HJV: variants seen among roughly 807,000 people sequenced by gnomAD.
The protein encoded by HJV is hemojuvelin.
Under a neutral mutation model 22.7 loss-of-function variants are expected in HJV, and 18 were observed. The observed-to-expected ratio is 0.79, with a 90% confidence interval of 0.55 to 1.18. The LOEUF is 1.18. HJV is among the 50% of genes most tolerant of loss of function. HJV has a pLI of 0.00. For missense variants in HJV, 572 were observed against 553.0 expected (o/e 1.03, Z -0.34); for synonymous variants, 229 against 222.7 (o/e 1.03, Z -0.25).
chr1:146,018,532 T>C lies in HJV; in HGVS notation c.826A>G (p.Ile276Val), dbSNP rs2101982750. 1.2e-6 allele frequency: 2 copies of C among 1,614,084 alleles called. No homozygotes were observed. The highest frequency in any genetic ancestry group is 8.5e-7 in the Non-Finnish European group (1 of 1,180,004). The change falls in exon 4 of 4, where the codon ATC becomes GTC. Residue 276 changes from isoleucine to valine, a missense_variant. Transcript: ENST00000336751. ...GTTGTGCCAATGTAGGCAGCTTGGATCTCCACATGGTTCCCAGGGTTAGCA... is the reference window on the plus strand; with the variant it reads ...GTTGTGCCAATGTAGGCAGCTTGGACCTCCACATGGTTCCCAGGGTTAGCA... ...QTANPGNHVE[I>V]QAAYIGTTII...
chr1:146,019,993 A>G (rs1652620727), intron 2 of HJV, 142 bp downstream of exon 2: 1 of 808,744 alleles, frequency 1.2e-6, no homozygotes, highest in Non-Finnish European at 2.1e-6. Context: ...AACGGGAAAT[A>G]AAATATTAGT....
Position 146,018,369 on chromosome 1 carries a change from G to C in HJV, c.989C>G (p.Ser330Ter). The C allele has an allele frequency of 6.2e-7, 1 of 1,614,184 alleles. No homozygotes were observed. Among genetic ancestry groups the C allele is most frequent in the Non-Finnish European group, 8.5e-7 (1 of 1,180,046 alleles). Residue 330 changes from serine (S) to a stop codon, truncating the protein, a stop_gained, in exon 4 of 4, where the codon TCA (serine) becomes TGA (stop). Coordinates refer to ENST00000336751, the MANE Select transcript of HJV (RefSeq NM_213653.4). LOFTEE classifies it high-confidence loss of function. ...TATAGCTCCCCGACGATTGCGCTCT[G>C]ATCGAGAGAGTCGCTGACTTGGAGG... ...GCPPSQRLSRSERNRRGAITI... is the reference protein window; with the variant it reads ...GCPPSQRLSR
Position 146,019,594 on chromosome 1 carries a change from A to T in HJV, c.238T>A (p.Cys80Ser). ...RGGGVGSGGLCRALRSYALCT... is the reference protein window; with the variant it reads ...RGGGVGSGGLSRALRSYALCT... ...AGCGCATAGGAGCGGAGGGCTCGACAGAGGCCGCCAGAGCCCACCCCTCCA... is the reference window on the plus strand; with the variant it reads ...AGCGCATAGGAGCGGAGGGCTCGACTGAGGCCGCCAGAGCCCACCCCTCCA... Residue 80 changes from cysteine (C) to serine (S), a missense_variant, in exon 3 of 4, where the codon TGT becomes AGT. Transcript: ENST00000336751. The T allele has an allele frequency of 6.2e-7, 1 of 1,613,656 alleles. No individual in the cohort carries two copies. Among genetic ancestry groups the T allele is most frequent in the South Asian group, 1.1e-5 (1 of 91,080 alleles).
intron 3 of HJV, 113 bp from the exon 4 acceptor site, chr1:146,018,813 G>T: frequency 9.0e-7 from 1 of 1,107,704 alleles, no homozygotes; most frequent in Non-Finnish European, 1.4e-6. Flanking sequence ...GACTACTATG[G>T]CCCTCAATCC....
intron 2 of HJV, 54 bp downstream of exon 2, chr1:146,020,081 A>G (rs1165824336): frequency 2.4e-6 from 3 of 1,265,480 alleles, no homozygotes; most frequent in Non-Finnish European, 3.5e-6. Flanking sequence ...GCCCACCCCT[A>G]CATAGCAGCC....
In HJV at chr1:146,018,452, C is replaced by A. The variant is rs142517915; in HGVS notation, c.906G>T (p.Glu302Asp). The stretch of plus-strand genomic sequence containing the variant: ...CAGCTGAGAAGGCCATGGCCACATC[C>A]TCTGCTACCTTGATGGAGAAGGAGA... ...GQLSFSIKVAEDVAMAFSAEQ... is the reference protein window; with the variant it reads ...GQLSFSIKVADDVAMAFSAEQ... Residue 302 changes from glutamate to aspartate, a missense_variant, in exon 4 of 4, where the codon GAG becomes GAT. Glu to Asp is a conservative substitution (Grantham distance 45). Coordinates refer to ENST00000336751, the MANE Select transcript of HJV (RefSeq NM_213653.4). 1 of 1,614,202 alleles carries A rather than the reference C, an allele frequency of 6.2e-7. No homozygotes were observed. Among genetic ancestry groups the A allele is most frequent in the Admixed American group, 1.7e-5 (1 of 60,028 alleles).
At chr1:146,019,145 G>T in intron 3 of HJV, 30 bp downstream of exon 3, 1 of 1,549,770 alleles carries the variant, frequency 6.5e-7, no homozygotes, top group Non-Finnish European at 8.9e-7. Context: ...ATCTCATGAG[G>T]TGGATCGGAA....
Position 146,019,689 on chromosome 1 carries a change from G to C in HJV, c.143C>G (p.Ser48Trp). The change falls in exon 3 of 4, where the codon TCG (serine) becomes TGG (tryptophan). Residue 48 changes from serine to tryptophan, a missense_variant. Physicochemically the swap from Ser to Trp is radical, Grantham distance 177 (BLOSUM62 -3). Coordinates refer to ENST00000336751, the MANE Select transcript of HJV (RefSeq NM_213653.4). ...CCCACCTCTAAGGCTCAGAGTGGAC[G>C]ATACGTACTCAGCATTGCAGCGGAG... ...KILRCNAEYV[S>W]STLSLRGGGS... 1.2e-6 allele frequency: 2 copies of C among 1,614,034 alleles called. No individual in the cohort carries two copies. The highest frequency in any genetic ancestry group is 1.7e-6 in the Non-Finnish European group (2 of 1,179,968).
At position 146,019,612 on chromosome 1, in the gene HJV, C is replaced by G; in HGVS notation, c.220G>C (p.Val74Leu). 6.2e-7 allele frequency: 1 copy of G among 1,613,646 alleles called. No individual in the cohort carries two copies. Among genetic ancestry groups the G allele is most frequent in the East Asian group, 2.2e-5 (1 of 44,872 alleles). Residue 74 changes from valine to leucine, a missense_variant, in exon 3 of 4, where the codon GTG becomes CTG. Physicochemically the swap from Val to Leu is conservative, Grantham distance 32 (BLOSUM62 1). Coordinates refer to ENST00000336751, the MANE Select transcript of HJV (RefSeq NM_213653.4). ...GGGGGGRGGGVGSGGLCRALR... is the reference protein window; with the variant it reads ...GGGGGGRGGGLGSGGLCRALR... ...GCTCGACAGAGGCCGCCAGAGCCCACCCCTCCACCCCGGCCTCCTCCTCCT... is the reference window on the plus strand; with the variant it reads ...GCTCGACAGAGGCCGCCAGAGCCCAGCCCTCCACCCCGGCCTCCTCCTCCT...
At position 146,018,844 on chromosome 1, in the gene HJV, T is replaced by C. The variant is rs1341457328; in HGVS notation, c.658-144A>G. On this transcript the variant is annotated intron_variant, in intron 3 of 3. Coordinates refer to ENST00000336751, the MANE Select transcript of HJV (RefSeq NM_213653.4). ...AATCCTTGATCCCTTCTCCTATTTA[T>C]GTTCCAGTATTACCTCATCCCTACT... 5 of 938,338 alleles carry C rather than the reference T, an allele frequency of 5.3e-6. No individual in the cohort carries two copies. In the African/African-American group the frequency reaches 8.0e-5, roughly 15 times the overall value. 58.1% of individuals were successfully genotyped at this position (938,338 alleles called of 1,614,324 possible). A position where few individuals can be genotyped will look rare whatever the true frequency, so the allele number is the denominator to read the frequency against.
At position 146,019,161 on chromosome 1, in the gene HJV, A is replaced by T; in HGVS notation, c.657+14T>A. ...TCTCATGAGGTGGATCGGAAGGAAG[A>T]TTGAGTGCCTGACCTTCCGGGTGGC... On this transcript the variant is annotated intron_variant, in intron 3 of 3. Transcript: ENST00000336751. 3 of 1,602,338 alleles carry T rather than the reference A, an allele frequency of 1.9e-6. No homozygotes were observed. The highest frequency in any genetic ancestry group is 2.6e-6 in the Non-Finnish European group (3 of 1,169,246).
chr1:146,017,902 G>T lies in HJV; in HGVS notation c.*175C>A. ...ATCCGGAATGCAGTAACCTTGCCCA[G>T]AATCCTTATTCTGTGATAATTTCAA... On this transcript the variant is annotated 3_prime_UTR_variant, in exon 4 of 4. Transcript: ENST00000336751. The T allele has an allele frequency of 1.4e-6, 1 of 731,198 alleles. No individual in the cohort carries two copies. Among genetic ancestry groups the T allele is most frequent in the Non-Finnish European group, 2.3e-6 (1 of 439,624 alleles). 45.3% of individuals were successfully genotyped at this position (731,198 alleles called of 1,614,324 possible). A position where few individuals can be genotyped will look rare whatever the true frequency, so the allele number is the denominator to read the frequency against.
chr1:146,019,082 G>T, intron 3 of HJV, 93 bp downstream of exon 3: 1 of 1,056,678 alleles, frequency 9.5e-7, no homozygotes, highest in East Asian at 2.4e-5. Flanking sequence ...AAGGGAATTA[G>T]GGAGCATTGC....
chr1:146,019,880 C>T, intron 2 of HJV, 146 bp from the exon 3 acceptor site: 1 of 1,248,764 alleles, frequency 8.0e-7, no homozygotes, highest in Non-Finnish European at 1.1e-6. Context: ...CCCCCAACCC[C>T]CTAGTCCCTA....
chr1:146,017,484 T>TCGGTGGTCGCC lies in HJV; in HGVS notation c.*592_*593insGGCGACCACCG. On this transcript the variant is annotated 3_prime_UTR_variant, in exon 4 of 4. Coordinates refer to ENST00000336751, the MANE Select transcript of HJV (RefSeq NM_213653.4). ...GCAACAGAGGATGGTGTGAAGAATT[T>TCGGTGGTCGCC]GTAGCTTTAATAACAGATTAGTTAG... 1 of 171,060 alleles carries TCGGTGGTCGCC rather than the reference T, an allele frequency of 5.8e-6. No homozygotes were observed. The highest frequency in any genetic ancestry group is 1.4e-5 in the Non-Finnish European group (1 of 70,408). 10.6% of individuals were successfully genotyped at this position (171,060 alleles called of 1,614,324 possible).
At position 146,017,800 on chromosome 1, in the gene HJV, A is replaced by C; in HGVS notation, c.*277T>G. 1 of 439,890 alleles carries C rather than the reference A, an allele frequency of 2.3e-6. No individual in the cohort carries two copies. The highest frequency in any genetic ancestry group is 4.3e-6 in the Non-Finnish European group (1 of 233,346). The allele number at this position is 439,890 out of a possible 1,614,324, so 27.2% of individuals were successfully genotyped here. On this transcript the variant is annotated 3_prime_UTR_variant, in exon 4 of 4. Transcript: ENST00000336751. ...CATGACCTCTAAACTTATAAGGGTG[A>C]AATCTGCAGTAAATGGATTAGAACA...
At position 146,019,322 on chromosome 1, in the gene HJV, G is replaced by C; in HGVS notation, c.510C>G (p.Phe170Leu). ...GGAAGCTGCGCACATGGGGGTCCCC[G>C]AAGGAAGCGCAATGCAAGAACCCCG... ...RPPGFLHCAS[F>L]GDPHVRSFHH... The change falls in exon 3 of 4, where the codon TTC becomes TTG. Residue 170 changes from phenylalanine (F) to leucine (L), a missense_variant. By Grantham distance (22) the Phe-to-Leu change is conservative. Coordinates refer to ENST00000336751, the MANE Select transcript of HJV (RefSeq NM_213653.4). 1.2e-6 allele frequency: 2 copies of C among 1,613,848 alleles called. No individual in the cohort carries two copies. The highest frequency in any genetic ancestry group is 1.7e-6 in the Non-Finnish European group (2 of 1,180,034).
Position 146,019,416 on chromosome 1 carries a change from C to A in HJV, c.416G>T (p.Gly139Val). 1 of 1,612,552 alleles carries A rather than the reference C, an allele frequency of 6.2e-7. No homozygotes were observed. Residue 139 changes from glycine to valine, a missense_variant, in exon 3 of 4, where the codon GGC becomes GTC. Gly to Val is a moderately radical substitution (Grantham distance 109). Coordinates refer to ENST00000336751, the MANE Select transcript of HJV (RefSeq NM_213653.4). ...PPRGPALPGAGSGLPAPDPCD... is the reference protein window; with the variant it reads ...PPRGPALPGAVSGLPAPDPCD... Reference sequence around the variant, plus strand: ...AGGGTCCGGGGCAGGGAGGCCGGAGCCCGCGCCTGGAAGGGCGGGGCCCCG... The same window carrying A: ...AGGGTCCGGGGCAGGGAGGCCGGAGACCGCGCCTGGAAGGGCGGGGCCCCG...
At chr1:146,020,068 C>CA in intron 2 of HJV, 67 bp downstream of exon 2, 1 of 1,117,860 alleles carries the variant, frequency 8.9e-7, no homozygotes, top group Non-Finnish European at 1.4e-6. Context: ...TTCAGGCTCA[C>CA]ATGCCCACCC....
Sources: allele counts gnomAD v4.1 joint callset, GRCh38; gene constraint gnomAD v4.1.1; transcripts MANE v1.5; gene names NCBI Gene and HGNC (gene_info 2026-07-23, HGNC 2026-07-21).